NPC1: variants seen among roughly 807,000 people sequenced by gnomAD.
NPC1 encodes the protein Niemann-Pick C1 protein.
Under a neutral mutation model 140.4 loss-of-function variants are expected in NPC1, and 85 were observed. The ratio of observed to expected loss-of-function variants is 0.61; its 90% confidence interval spans 0.51 to 0.72. The LOEUF (loss-of-function observed/expected upper bound fraction) is 0.72. Among genes scored for constraint, NPC1 ranks in the 30% least tolerant of loss-of-function variants. The pLI is 0.00. For synonymous variants in NPC1, 656 were observed against 624.8 expected, an observed-to-expected ratio of 1.05 and a Z score of -0.74; for missense variants, 1,504 against 1,623.8, an observed-to-expected ratio of 0.93 and a Z score of 1.27.
chr18:23,578,286 AAAC>A (rs1250853998), intron 1 of NPC1, among the ~76,000 whole-genome samples: 1 of 152,380 alleles, frequency 6.6e-6, no homozygotes, highest in East Asian at 1.9e-4. Flanking sequence ...CACTGAGGCT[AAAC>A]AACTTGTCCA....
Position 23,539,642 on chromosome 18 carries a change from T to G in NPC1, c.2795+169A>C, listed in dbSNP as rs539460021. 3.6e-6 allele frequency: 3 copies of G among 843,576 alleles called. No homozygotes were observed. In the East Asian group the frequency reaches 8.0e-5, roughly 22 times the overall value. 52.3% of individuals were successfully genotyped at this position (843,576 alleles called of 1,614,324 possible). A position where few individuals can be genotyped will look rare whatever the true frequency, so the allele number is the denominator to read the frequency against. ...GCCTTCAAAGTATTAGGTGGTAAAT[T>G]AGTCCTTTCAAAGGTTTTTTAAGGT... On this transcript the variant is annotated intron_variant, in intron 18 of 24. Transcript: ENST00000269228.
intron 3 of NPC1, chr18:23,506,790 C>T (rs1172838377): frequency 3.9e-6 from 2 of 508,250 alleles, no homozygotes; most frequent in Non-Finnish European, 7.1e-6. Flanking sequence ...CCAGCAAGTT[C>T]TTTCCAGTTG....
chr18:23,507,916 ATG>A, intron 3 of NPC1: 9 of 1,387,874 alleles, frequency 6.5e-6, no homozygotes, highest in Non-Finnish European at 9.0e-6. Flanking sequence ...GTCTTGTAGT[ATG>A]CCAACGTAGG....
At chr18:23,524,409 G>A (rs1481580800), downstream of NPC1, 2 of 1,613,612 alleles carry the variant, frequency 1.2e-6, no homozygotes, top group Non-Finnish European at 1.7e-6. Flanking sequence ...TCCTGGTTTA[G>A]AATTTCCTAT....
intron 9 of NPC1, among the ~76,000 whole-genome samples, chr18:23,554,547 A>G (rs538713326): frequency 6.6e-6 from 1 of 151,938 alleles, no homozygotes; most frequent in African/African-American, 2.4e-5. Context: ...CGGAGGTTAC[A>G]GTGAGCCAAG....
At chr18:23,565,514 C>A (rs1182808687) in intron 4 of NPC1, among the ~76,000 whole-genome samples, 1 of 152,104 alleles carries the variant, frequency 6.6e-6, no homozygotes, top group Non-Finnish European at 1.5e-5. Flanking sequence ...CGCCACCACG[C>A]CCAGCTAATT....
chr18:23,544,623 T>A, intron 12 of NPC1, 97 bp from the exon 13 acceptor site: 1 of 1,099,236 alleles, frequency 9.1e-7, no homozygotes, highest in Non-Finnish European at 1.4e-6. Context: ...AGGGCTGTAT[T>A]AAACCTAGAG....
intron 9 of NPC1, 51 bp downstream of exon 9, chr18:23,554,707 T>C (rs1177824358): frequency 6.9e-7 from 1 of 1,455,198 alleles, no homozygotes; most frequent in South Asian, 1.2e-5. Context: ...CCATGTACCC[T>C]AAGTCAGACC....
chr18:23,520,131 T>C, downstream of NPC1: 1 of 1,132,870 alleles, frequency 8.8e-7, no homozygotes, highest in Non-Finnish European at 1.3e-6. Context: ...AACAGCAAGA[T>C]GGGATGGAAT....
chr18:23,541,014 T>G (rs927558779), intron 16 of NPC1, 54 bp downstream of exon 16: 1 of 1,592,840 alleles, frequency 6.3e-7, no homozygotes, highest in Non-Finnish European at 8.6e-7. Flanking sequence ...TTAGAAGGCA[T>G]GTGATAATCT....
intron 12 of NPC1, 56 bp downstream of exon 12, chr18:23,544,904 T>A (rs796869116): frequency 2.4e-6 from 3 of 1,261,400 alleles, no homozygotes; most frequent in Non-Finnish European, 3.5e-6. Context: ...AAATATGACG[T>A]TACACTGTGC....
rs1315295204 is a variant in NPC1 at position 23,556,365 on chromosome 18, A to C, written c.1204T>G (p.Phe402Val). The change falls in exon 8 of 25, where the codon TTC becomes GTC. Residue 402 changes from phenylalanine to valine, a missense_variant. Coordinates refer to ENST00000269228, the MANE Select transcript of NPC1 (RefSeq NM_000271.5). ...ATGATGAGCTGCTCCGTCCGGAAGAAAGGCCCAAAGTGCTGGTCAAAGTAC... is the reference window on the plus strand; with the variant it reads ...ATGATGAGCTGCTCCGTCCGGAAGACAGGCCCAAAGTGCTGGTCAAAGTAC... ...KEYFDQHFGPFFRTEQLIIRA... is the reference protein window; with the variant it reads ...KEYFDQHFGPVFRTEQLIIRA... 3 of 1,614,150 alleles carry C rather than the reference A, an allele frequency of 1.9e-6. No individual in the cohort carries two copies. The highest frequency in any genetic ancestry group is 2.5e-6 in the Non-Finnish European group (3 of 1,179,994).
chr18:23,542,498 C>A (rs931017875), intron 14 of NPC1, among the ~76,000 whole-genome samples: 4 of 152,100 alleles, frequency 2.6e-5, no homozygotes, highest in African/African-American at 9.7e-5. Context: ...GTCCAGCCTC[C>A]CCTATAGTGG....
Position 23,539,440 on chromosome 18 carries a change from C to G in NPC1, c.2826G>C (p.Trp942Cys). The change falls in exon 19 of 25, where the codon TGG becomes TGC. Residue 942 changes from tryptophan to cysteine, a missense_variant. Coordinates refer to ENST00000269228, the MANE Select transcript of NPC1 (RefSeq NM_000271.5). ...TCACCCAGTCGAAATAATCGTCGAT[C>G]CAGGACGAGGGGGCGAAGCCTATTC... ...YTRIGFAPSS[W>C]IDDYFDWVKP... The G allele has an allele frequency of 6.2e-7, 1 of 1,613,616 alleles. No homozygotes were observed. Among genetic ancestry groups the G allele is most frequent in the Non-Finnish European group, 8.5e-7 (1 of 1,179,768 alleles).
chr18:23,532,832 TA>T, intron 24 of NPC1: 1 of 970,712 alleles, frequency 1.0e-6, no homozygotes, highest in Non-Finnish European at 1.2e-6. Flanking sequence ...GACAAAGCTA[TA>T]AATGAAGCAA....
chr18:23,513,960 G>A (rs116782656), intron 3 of NPC1, among the ~76,000 whole-genome samples: 1,750 of 152,210 alleles, frequency 0.011, 37 homozygotes, highest in African/African-American at 0.04. Flanking sequence ...TATTTTCTCC[G>A]AATCCGGAGG....
chr18:23,559,151 T>C (rs1442562470), intron 6 of NPC1, among the ~76,000 whole-genome samples: 1 of 152,188 alleles, frequency 6.6e-6, no homozygotes, highest in African/African-American at 2.4e-5. Flanking sequence ...GTTCCAAGTC[T>C]TTGCTATTGT....
At chr18:23,523,190 T>C (rs533353791) in intron 1 of NPC1, among the ~76,000 whole-genome samples, 5 of 152,312 alleles carry the variant, frequency 3.3e-5, no homozygotes, top group East Asian at 1.9e-4. Flanking sequence ...CTGTTCACAA[T>C]GACCCTTTCT....
downstream of NPC1, among the ~76,000 whole-genome samples, chr18:23,527,414 T>C (rs752745175): frequency 4.6e-5 from 7 of 151,246 alleles, no homozygotes; most frequent in Non-Finnish European, 5.9e-5. Flanking sequence ...AAAATAATAA[T>C]AATAATCCCC....
Sources: allele counts gnomAD v4.1 joint callset (sites outside exome capture counted in the v4.1 genomes callset), GRCh38; gene constraint gnomAD v4.1.1; transcripts MANE v1.5; gene names NCBI Gene and HGNC (gene_info 2026-07-23, HGNC 2026-07-21).